The following PHACTR1 variants were observed in gnomAD, a reference collection of about 807,000 sequenced individuals.
PHACTR1 encodes phosphatase and actin regulator 1, also known as RPEL repeat containing 1.
Under a neutral mutation model 69.2 loss-of-function variants are expected in PHACTR1, and 16 were observed. The observed-to-expected ratio is 0.23, with a 90% CI of 0.16 to 0.35. PHACTR1 has a LOEUF of 0.35. Ranked by LOEUF, PHACTR1 falls within the 10% of genes least tolerant of loss-of-function variation. The pLI is 1.00. For synonymous variants in PHACTR1, 312 were observed against 284.5 expected (o/e 1.10, Z -0.97); for missense variants, 510 against 734.7 (o/e 0.69, Z 3.54).
At chr6:12,762,537 G>A (rs1768136226) in intron 4 of PHACTR1, among the ~76,000 whole-genome samples, 1 of 152,138 alleles carries the variant, frequency 6.6e-6, no homozygotes. Context: ...GCTGTAAAAT[G>A]CCTGAGGTAG....
At chr6:13,269,063 G>A (rs537460420) in intron 10 of PHACTR1, among the ~76,000 whole-genome samples, 5 of 152,260 alleles carry the variant, frequency 3.3e-5, no homozygotes, top group African/African-American at 4.8e-5. Context: ...GGATGGCACC[G>A]TCAAAGCTGA....
At chr6:13,084,919 A>G (rs1351606801) in intron 5 of PHACTR1, among the ~76,000 whole-genome samples, 1 of 152,170 alleles carries the variant, frequency 6.6e-6, no homozygotes, top group Non-Finnish European at 1.5e-5. Context: ...AGAAAACTTT[A>G]TCATTCTAAT....
At position 12,860,010 on chromosome 6, in the gene PHACTR1, T is replaced by C. The variant is rs79379839; in HGVS notation, c.250+110220T>C. On this transcript the variant is annotated intron_variant, in intron 4 of 14. Coordinates refer to ENST00000332995, the MANE Select transcript of PHACTR1 (RefSeq NM_030948.6). ...TCTTCATCATCATCATCATCATTATTATTATTATTATTATTAAGTTCTGGG... is the reference window on the plus strand; with the variant it reads ...TCTTCATCATCATCATCATCATTATCATTATTATTATTATTAAGTTCTGGG... 8.8e-3 allele frequency among the ~76,000 whole-genome samples: 793 copies of C among 90,086 alleles called. 3 individuals carry two copies. The highest frequency in any genetic ancestry group is 0.016 in the Non-Finnish European group (582 of 37,518). The allele number at this position is 90,086 out of a possible 152,430, so 59.1% of individuals were successfully genotyped here. A position where few individuals can be genotyped will look rare whatever the true frequency, so the allele number is the denominator to read the frequency against.
intron 3 of PHACTR1, among the ~76,000 whole-genome samples, chr6:12,731,890 G>GTC (rs1763573228): frequency 6.6e-6 from 1 of 151,852 alleles, no homozygotes; most frequent in Admixed American, 6.6e-5. Context: ...AAGGTAGAAT[G>GTC]TCTCAATGTT....
chr6:12,793,660 A>C (rs1412353511), intron 4 of PHACTR1, among the ~76,000 whole-genome samples: 4 of 152,220 alleles, frequency 2.6e-5, no homozygotes, highest in Non-Finnish European at 4.4e-5. Context: ...GGTGGGATGC[A>C]CATCAGAATC....
intron 4 of PHACTR1, among the ~76,000 whole-genome samples, chr6:12,787,398 A>G (rs1198032392): frequency 5.3e-5 from 8 of 152,212 alleles, no homozygotes; most frequent in Non-Finnish European, 1.0e-4. Flanking sequence ...AGACAACAAT[A>G]TCTTCCCATG....
At chr6:13,236,091 A>AT (rs556107685) in intron 10 of PHACTR1, among the ~76,000 whole-genome samples, 10,994 of 144,336 alleles carry the variant, frequency 0.076, 777 homozygotes, top group African/African-American at 0.19. Context: ...AACTATGGGC[A>AT]TTTTTTTTTT....
chr6:12,783,082 C>T (rs1482766569), intron 4 of PHACTR1, among the ~76,000 whole-genome samples: 3 of 152,176 alleles, frequency 2.0e-5, no homozygotes, highest in Admixed American at 1.3e-4. Flanking sequence ...GTTAGGAGAA[C>T]GTCTGAGCTG....
intron 4 of PHACTR1, among the ~76,000 whole-genome samples, chr6:12,956,890 C>G (rs1011177343): frequency 2.0e-5 from 3 of 152,118 alleles, no homozygotes; most frequent in Admixed American, 2.0e-4. Flanking sequence ...AAGCTGCTAC[C>G]GTCCCATCCT....
At chr6:13,003,085 A>G (rs1384108027) in intron 4 of PHACTR1, among the ~76,000 whole-genome samples, 1 of 152,230 alleles carries the variant, frequency 6.6e-6, no homozygotes, top group East Asian at 1.9e-4. Flanking sequence ...CTGAGAGTTC[A>G]GGTCTCCCTG....
At chr6:12,827,463 A>G (rs1776928145) in intron 4 of PHACTR1, among the ~76,000 whole-genome samples, 1 of 152,210 alleles carries the variant, frequency 6.6e-6, no homozygotes, top group African/African-American at 2.4e-5. Flanking sequence ...CTTAAGTAAT[A>G]CAGCTCTGCT....
At chr6:13,041,858 C>T (rs915399194) in intron 4 of PHACTR1, among the ~76,000 whole-genome samples, 11 of 152,172 alleles carry the variant, frequency 7.2e-5, no homozygotes, top group African/African-American at 1.4e-4. Context: ...TCCTGGACCA[C>T]GGCAACTTTG....
chr6:13,004,537 A>C (rs1798547147), intron 4 of PHACTR1, among the ~76,000 whole-genome samples: 1 of 152,174 alleles, frequency 6.6e-6, no homozygotes, highest in African/African-American at 2.4e-5. Flanking sequence ...GTTCTTTGTC[A>C]ATATATCCTC....
chr6:13,219,213 G>A (rs981256728), intron 8 of PHACTR1, among the ~76,000 whole-genome samples: 2 of 152,142 alleles, frequency 1.3e-5, no homozygotes, highest in African/African-American at 4.8e-5. Context: ...AGTGTTTCTT[G>A]TGTAAATAGC....
At chr6:13,044,161 T>C (rs34054185) in intron 4 of PHACTR1, among the ~76,000 whole-genome samples, 24,978 of 152,118 alleles carry the variant, frequency 0.16, 2,553 homozygotes, top group South Asian at 0.26. Flanking sequence ...CTGTCTGGTC[T>C]GTTCACAATG....
At chr6:13,255,006 G>T (rs897507535) in intron 10 of PHACTR1, among the ~76,000 whole-genome samples, 1 of 152,196 alleles carries the variant, frequency 6.6e-6, no homozygotes, top group African/African-American at 2.4e-5. Context: ...CTGCTATAAA[G>T]AAATGCTTGA....
intron 4 of PHACTR1, among the ~76,000 whole-genome samples, chr6:12,922,559 A>C (rs1218699248): frequency 6.6e-6 from 1 of 152,216 alleles, no homozygotes; most frequent in Non-Finnish European, 1.5e-5. Context: ...TTTAGAAGTC[A>C]CATCCATAAA....
At chr6:12,884,402 ATTT>A (rs779017824) in intron 4 of PHACTR1, among the ~76,000 whole-genome samples, 1 of 142,666 alleles carries the variant, frequency 7.0e-6, no homozygotes. Flanking sequence ...GGTTTACTGA[ATTT>A]TTTTTTTTTT....
intron 4 of PHACTR1, among the ~76,000 whole-genome samples, chr6:12,883,518 C>CTT (rs149392183): frequency 7.1e-6 from 1 of 141,194 alleles, no homozygotes; most frequent in African/African-American, 2.6e-5. Context: ...CCCGTCCAAG[C>CTT]TTTTTTTTTT....
Sources: allele counts gnomAD v4.1 joint callset (sites outside exome capture counted in the v4.1 genomes callset), GRCh38; gene constraint gnomAD v4.1.1; transcripts MANE v1.5; gene names NCBI Gene and HGNC (gene_info 2026-07-23, HGNC 2026-07-21).